Variants in RUFY3 observed in about 807,000 individuals in gnomAD.
RUFY3 encodes protein RUFY3.
In RUFY3, 34 loss-of-function variants were observed where a neutral mutation model predicts 84.0. The observed-to-expected ratio is 0.40, with a 90% CI of 0.31 to 0.54. The LOEUF (loss-of-function observed/expected upper bound fraction) is 0.54, where lower values mean the gene tolerates loss of function less well. Among genes scored for constraint, RUFY3 ranks in the 20% least tolerant of loss-of-function variants. RUFY3 has a pLI of 0.39. For missense variants in RUFY3, 507 were observed against 736.8 expected (o/e 0.69, Z 3.61); for synonymous variants, 242 against 252.9 (o/e 0.96, Z 0.41).
upstream of RUFY3, chr4:70,704,249 T>G (rs1033512940): frequency 6.6e-6 from 1 of 152,152 alleles, no homozygotes; most frequent in African/African-American, 2.4e-5. Flanking sequence ...ACAAAAGAGG[T>G]GGTGGAAGGA....
At chr4:70,748,102 A>G (rs1000267988) in intron 1 of RUFY3, among the ~76,000 whole-genome samples, 2 of 152,040 alleles carry the variant, frequency 1.3e-5, no homozygotes, top group African/African-American at 2.4e-5. Context: ...TCTTCCCTCA[A>G]ATTCATTTTG....
At chr4:70,773,669 G>T (rs758863505) in intron 6 of RUFY3, 97 bp downstream of exon 6, 4 of 750,828 alleles carry the variant, frequency 5.3e-6, no homozygotes, top group Non-Finnish European at 9.0e-6. Context: ...TTTAACAGAC[G>T]TGCTGAAAGA....
In RUFY3 at chr4:70,775,700, CTT is replaced by C. The variant is rs372895781; in HGVS notation, c.824+469_824+470del. ...TGGGCCAAAGCCTGTAGTCCCAACA[CTT>C]TGGGAGGCCAAGGCAGGAGGATTGC... On this transcript the variant is annotated intron_variant, in intron 7 of 17. Transcript: ENST00000381006. 2.2e-3 allele frequency among the ~76,000 whole-genome samples: 329 copies of C among 152,142 alleles called. 2 individuals carry two copies. The South Asian group carries it at 0.027, about 12-fold the overall frequency.
intron 5 of RUFY3, among the ~76,000 whole-genome samples, chr4:70,768,880 A>G (rs566978066): frequency 1.3e-5 from 2 of 152,104 alleles, no homozygotes; most frequent in South Asian, 2.1e-4. Flanking sequence ...TCTTGGCTGT[A>G]CTCTCTGTTA....
intron 1 of RUFY3, among the ~76,000 whole-genome samples, chr4:70,740,855 C>A (rs1335745990): frequency 1.3e-5 from 2 of 151,880 alleles, no homozygotes; most frequent in African/African-American, 2.4e-5. Flanking sequence ...ATTAAAAAAA[C>A]CTCTGGAAAT....
intron 1 of RUFY3, among the ~76,000 whole-genome samples, chr4:70,733,153 AG>A (rs1560464224): frequency 4.9e-4 from 73 of 148,750 alleles, no homozygotes; most frequent in African/African-American, 1.8e-3. Context: ...AGAGAGAGAG[AG>A]AGAGAGAGAG....
chr4:70,789,075 A>G (rs1578226874), intron 11 of RUFY3, 102 bp downstream of exon 11: 1 of 1,478,604 alleles, frequency 6.8e-7, no homozygotes, highest in East Asian at 2.4e-5. Flanking sequence ...ACAAGAGGAA[A>G]GAATCACATC....
At chr4:70,803,447 G>A (rs1732484276) in intron 16 of RUFY3, among the ~76,000 whole-genome samples, 2 of 149,640 alleles carry the variant, frequency 1.3e-5, no homozygotes, top group Admixed American at 1.3e-4. Flanking sequence ...AAGTCCTACT[G>A]CTTTCCTTTT....
Position 70,789,475 on chromosome 4 carries a change from A to G in RUFY3, c.1240-20A>G, listed in dbSNP as rs1323842343. ...AGGATTTATGTTATACAGGTTGTTT[A>G]TCGTTATTTTCCATAACAGAGTTCA... On this transcript the variant is annotated intron_variant, in intron 11 of 17. Transcript: ENST00000381006. 1.2e-6 allele frequency: 2 copies of G among 1,600,018 alleles called. No individual in the cohort carries two copies. The highest frequency in any genetic ancestry group is 2.2e-5 in the East Asian group (1 of 44,560).
chr4:70,779,584 C>CTTT (rs779419538), intron 8 of RUFY3, among the ~76,000 whole-genome samples: 2 of 130,498 alleles, frequency 1.5e-5, no homozygotes, highest in Non-Finnish European at 3.3e-5. Flanking sequence ...ATTTCTTTTT[C>CTTT]TTTTTTTTTT....
At chr4:70,743,185 T>C (rs538113127) in intron 1 of RUFY3, among the ~76,000 whole-genome samples, 181 of 152,256 alleles carry the variant, frequency 1.2e-3, no homozygotes, top group African/African-American at 4.3e-3. Context: ...TTCTCCTGCC[T>C]CAGCTTCCTA....
rs114065949 is a variant in RUFY3 at position 70,738,912 on chromosome 4, C to T, written c.178+16161C>T. Among the ~76,000 whole-genome samples, 1,114 of 151,540 alleles carry T rather than the reference C, an allele frequency of 7.4e-3. 13 individuals carry two copies. Among genetic ancestry groups the T allele is most frequent in the African/African-American group, 0.026 (1,057 of 41,310 alleles). On this transcript the variant is annotated intron_variant, in intron 1 of 17. Coordinates refer to ENST00000381006, the MANE Select transcript of RUFY3 (RefSeq NM_001037442.4). ...TTCAGTCTGTCAAGTAGCCTGGTCT[C>T]CCTATATTGAGTAGGCTGTTCTTGA... is the stretch of plus-strand genomic sequence containing the variant.
rs1310056612 is a variant in RUFY3 at position 70,805,857 on chromosome 4, C to G, written c.1720-659C>G. On this transcript the variant is annotated intron_variant, in intron 17 of 17. Transcript: ENST00000381006. ...TTCTTTACAGCTTTTTATATAGGACCCTTGGAGCTTTGTGTATACCACCCT... is the reference window on the plus strand; with the variant it reads ...TTCTTTACAGCTTTTTATATAGGACGCTTGGAGCTTTGTGTATACCACCCT... 4.6e-5 allele frequency among the ~76,000 whole-genome samples: 7 copies of G among 152,224 alleles called. No individual in the cohort carries two copies. In the South Asian group the frequency reaches 8.3e-4, roughly 18 times the overall value.
intron 1 of RUFY3, chr4:70,741,733 T>A: frequency 7.6e-7 from 1 of 1,308,060 alleles, no homozygotes; most frequent in Non-Finnish European, 1.0e-6. Context: ...TTTAAAATTT[T>A]CTAACCACCT....
intron 1 of RUFY3, among the ~76,000 whole-genome samples, chr4:70,709,382 T>C (rs986497335): frequency 6.6e-6 from 1 of 152,242 alleles, no homozygotes; most frequent in African/African-American, 2.4e-5. Context: ...ATAAGTACAG[T>C]TACAAAGTGA....
In RUFY3 at chr4:70,788,937, C is replaced by T; in HGVS notation, c.1203C>T (p.Leu401=). The T allele has an allele frequency of 6.2e-7, 1 of 1,614,112 alleles. No homozygotes were observed. Among genetic ancestry groups the T allele is most frequent in the African/African-American group, 1.3e-5 (1 of 75,016 alleles). The part of the protein sequence containing the change: ...LVSLRQQLDD[L]RALKHELAFK... ...CTCTTCGGCAGCAGCTGGATGACCT[C>T]AGAGCTCTCAAGCATGAACTTGCCT... The change falls in exon 11 of 18, where the codon CTC becomes CTT. Residue 401 remains leucine, a synonymous_variant. Coordinates refer to ENST00000381006, the MANE Select transcript of RUFY3 (RefSeq NM_001037442.4).
At chr4:70,798,326 G>A (rs2148815330) in intron 14 of RUFY3, among the ~76,000 whole-genome samples, 1 of 152,212 alleles carries the variant, frequency 6.6e-6, no homozygotes, top group African/African-American at 2.4e-5. Context: ...CTGTGATCAT[G>A]CCACTGCACT....
chr4:70,779,478 C>A (rs1728535198), intron 8 of RUFY3, among the ~76,000 whole-genome samples: 1 of 152,032 alleles, frequency 6.6e-6, no homozygotes, highest in African/African-American at 2.4e-5. Context: ...ACTTGCCAAG[C>A]CTTAGCTACA....
chr4:70,749,354 A>G (rs1012308360), intron 1 of RUFY3, among the ~76,000 whole-genome samples: 2 of 152,194 alleles, frequency 1.3e-5, no homozygotes, highest in Non-Finnish European at 2.9e-5. Context: ...CCAATGAAGA[A>G]GAAATCAGTG....
Sources: allele counts gnomAD v4.1 joint callset (sites outside exome capture counted in the v4.1 genomes callset), GRCh38; gene constraint gnomAD v4.1.1; transcripts MANE v1.5; gene names NCBI Gene and HGNC (gene_info 2026-07-23, HGNC 2026-07-21).